The following RYR3 variants were observed in gnomAD, a reference collection of about 807,000 sequenced individuals.
RYR3 encodes brain ryanodine receptor-calcium release channel.
Under a neutral mutation model 584.3 loss-of-function variants are expected in RYR3, and 207 were observed. The observed-to-expected ratio is 0.35, with a 90% CI of 0.32 to 0.40. RYR3 has a LOEUF of 0.40. Among genes scored for constraint, RYR3 ranks in the 10% least tolerant of loss-of-function variants. The pLI, the probability that RYR3 is intolerant of heterozygous loss-of-function variation, is 1.00. For synonymous variants in RYR3, 2,416 were observed against 2,248.5 expected, an observed-to-expected ratio of 1.07 and a Z score of -2.11; for missense variants, 5,616 against 6,089.2, an observed-to-expected ratio of 0.92 and a Z score of 2.59.
intron 10 of RYR3, among the ~76,000 whole-genome samples, chr15:33,552,721 A>T (rs2056778561): frequency 6.6e-6 from 1 of 152,114 alleles, no homozygotes; most frequent in African/African-American, 2.4e-5. Flanking sequence ...GGCACCTTAG[A>T]CTGTGAAGCT....
chr15:33,834,939 G>A, intron 86 of RYR3, 29 bp from the exon 87 acceptor site: 1 of 1,585,872 alleles, frequency 6.3e-7, no homozygotes. Flanking sequence ...TGATGTTTAA[G>A]TGACATAAGA....
intron 1 of RYR3, among the ~76,000 whole-genome samples, chr15:33,363,117 C>T (rs1343916458): frequency 6.6e-6 from 1 of 152,188 alleles, no homozygotes; most frequent in African/African-American, 2.4e-5. Context: ...ATATAATGAA[C>T]ACTGCAAGGG....
At chr15:33,742,269 C>T (rs946537745) in intron 51 of RYR3, 97 bp from the exon 52 acceptor site, 5 of 788,762 alleles carry the variant, frequency 6.3e-6, no homozygotes, top group African/African-American at 3.4e-5. Context: ...ATCAAATCCA[C>T]CTTCTGACAG....
intron 43 of RYR3, among the ~76,000 whole-genome samples, chr15:33,717,341 C>G (rs1596298121): frequency 6.6e-6 from 1 of 152,168 alleles, no homozygotes; most frequent in South Asian, 2.1e-4. Flanking sequence ...GTAATTACCA[C>G]CCAAAACCCG....
At chr15:33,576,349 C>T (rs1265212389) in intron 12 of RYR3, among the ~76,000 whole-genome samples, 1 of 152,158 alleles carries the variant, frequency 6.6e-6, no homozygotes, top group Non-Finnish European at 1.5e-5. Context: ...CCCTGATGAA[C>T]ATCAATGTGA....
In RYR3 at chr15:33,738,411, A is replaced by G. The variant is rs200078569; in HGVS notation, c.7516-39A>G. 103 of 1,580,942 alleles carry G rather than the reference A, an allele frequency of 6.5e-5. No homozygotes were observed. The Middle Eastern group carries it at 4.1e-3, about 63-fold the overall frequency. ...TTTTTGATGCCTGTGGACTTTCTCT[A>G]TGCCACCCCGCTGGTCTGTCCTGTT... On this transcript the variant is annotated intron_variant, in intron 49 of 103. Transcript: ENST00000634891.
At chr15:33,568,799 A>G (rs1264347740) in intron 12 of RYR3, among the ~76,000 whole-genome samples, 1 of 152,204 alleles carries the variant, frequency 6.6e-6, no homozygotes, top group Non-Finnish European at 1.5e-5. Flanking sequence ...GTTTTAGAAC[A>G]TTTCCATCAC....
intron 8 of RYR3, among the ~76,000 whole-genome samples, chr15:33,544,278 G>C (rs910703051): frequency 2.0e-5 from 3 of 151,374 alleles, no homozygotes; most frequent in Non-Finnish European, 4.4e-5. Flanking sequence ...GTTTTTTTTG[G>C]GTATTCTATC....
At chr15:33,538,141 C>T (rs2055495590) in intron 5 of RYR3, among the ~76,000 whole-genome samples, 2 of 152,060 alleles carry the variant, frequency 1.3e-5, no homozygotes, top group South Asian at 4.2e-4. Flanking sequence ...TCTTTGCTTT[C>T]TCCAAGTCTC....
At chr15:33,557,833 C>T (rs576296530) in intron 10 of RYR3, among the ~76,000 whole-genome samples, 8 of 152,276 alleles carry the variant, frequency 5.3e-5, no homozygotes, top group African/African-American at 1.4e-4. Context: ...ACAATTATGA[C>T]GTGGTCATGA....
intron 28 of RYR3, among the ~76,000 whole-genome samples, chr15:33,646,035 G>T (rs1224710849): frequency 1.3e-5 from 2 of 152,162 alleles, no homozygotes; most frequent in African/African-American, 4.8e-5. Flanking sequence ...GACCTAAAAG[G>T]TTAGCCTCTG....
chr15:33,522,104 A>AC (rs1323773728), intron 3 of RYR3, among the ~76,000 whole-genome samples: 2 of 150,692 alleles, frequency 1.3e-5, no homozygotes, highest in Non-Finnish European at 3.0e-5. Context: ...AAAAAAAAAA[A>AC]AAAAAAAAAC....
chr15:33,387,224 T>G lies in RYR3; in HGVS notation c.51+76128T>G, dbSNP rs184767468. Among the ~76,000 whole-genome samples, 370 of 152,332 alleles carry G rather than the reference T, an allele frequency of 2.4e-3. 4 individuals carry two copies. Among genetic ancestry groups the G allele is most frequent in the Non-Finnish European group, 4.2e-3 (285 of 68,020 alleles). On this transcript the variant is annotated intron_variant, in intron 1 of 103. Coordinates refer to ENST00000634891, the MANE Select transcript of RYR3 (RefSeq NM_001036.6). ...TATATACTATGTTTTGTTTATTCAC[T>G]AATCCACTGATGGACAATTGGGTTG...
intron 1 of RYR3, among the ~76,000 whole-genome samples, chr15:33,369,416 C>G (rs1975994756): frequency 6.6e-6 from 1 of 152,168 alleles, no homozygotes; most frequent in Admixed American, 6.5e-5. Flanking sequence ...TGTTAAAAGC[C>G]TACTCATCAT....
chr15:33,348,823 T>C (rs1972815785), intron 1 of RYR3, among the ~76,000 whole-genome samples: 1 of 152,178 alleles, frequency 6.6e-6, no homozygotes, highest in African/African-American at 2.4e-5. Context: ...CTCTGTGCTG[T>C]GAAGTTTGGC....
At chr15:33,843,949 T>C (rs1287828905) in intron 92 of RYR3, among the ~76,000 whole-genome samples, 5 of 152,200 alleles carry the variant, frequency 3.3e-5, no homozygotes, top group Non-Finnish European at 7.3e-5. Context: ...TTGGCCTATT[T>C]GTTAGAAGCG....
intron 3 of RYR3, among the ~76,000 whole-genome samples, chr15:33,507,988 G>A (rs1021841592): frequency 1.3e-5 from 2 of 152,122 alleles, no homozygotes; most frequent in African/African-American, 4.8e-5. Flanking sequence ...CTTCCTCAAA[G>A]GAAGGAGAGT....
chr15:33,586,160 C>A, intron 16 of RYR3, 44 bp downstream of exon 16: 1 of 1,093,238 alleles, frequency 9.1e-7, no homozygotes, highest in Non-Finnish European at 1.4e-6. Context: ...TGGTGTTTCC[C>A]TCCCCAATGT....
chr15:33,621,289 C>G (rs1035842206), intron 19 of RYR3, among the ~76,000 whole-genome samples: 1 of 152,170 alleles, frequency 6.6e-6, no homozygotes, highest in African/African-American at 2.4e-5. Flanking sequence ...ACTTGCTATA[C>G]AAGCTACTAG....
Sources: gnomAD v4.1 joint callset for allele counts (sites outside exome capture counted in the v4.1 genomes callset) on GRCh38, gnomAD v4.1.1 for gene constraint, MANE v1.5 for transcripts, NCBI Gene and HGNC (gene_info 2026-07-23, HGNC 2026-07-21) for gene names.